Variants in KCNAB1 observed in about 807,000 individuals in gnomAD.
KCNAB1 encodes potassium voltage-gated channel subfamily A regulatory beta subunit 1, also known as voltage-gated potassium channel subunit beta-1.
A neutral mutation model predicts 64.6 loss-of-function variants in KCNAB1; 35 were observed. That is an observed-to-expected ratio of 0.54 (90% CI 0.41 to 0.72). The LOEUF (loss-of-function observed/expected upper bound fraction) is 0.72, where lower values mean the gene tolerates loss of function less well. Ranked by LOEUF, KCNAB1 falls within the 30% of genes least tolerant of loss-of-function variation. The probability of loss-of-function intolerance (pLI) is 0.00; values close to 1 mark genes in which losing one functional copy is unlikely to be tolerated. For missense variants in KCNAB1, 401 were observed against 512.9 expected (o/e 0.78, Z 2.11); for synonymous variants, 177 against 183.8 (o/e 0.96, Z 0.30).
At position 156,459,828 on chromosome 3, in the gene KCNAB1, G is replaced by T; in HGVS notation, c.439G>T (p.Ala147Ser). 1 of 1,607,706 alleles carries T rather than the reference G, an allele frequency of 6.2e-7. No individual in the cohort carries two copies. Among genetic ancestry groups the T allele is most frequent in the Non-Finnish European group, 8.5e-7 (1 of 1,174,686 alleles). The change falls in exon 5 of 14, where the codon GCT becomes TCT. Residue 147 changes from alanine (A) to serine (S), a missense_variant and splice_region_variant. By Grantham distance (99) the Ala-to-Ser change is moderately conservative (BLOSUM62 1). Transcript: ENST00000490337. ...GACATTATCTGTTTCCCCTTCCAGG[G>T]CTGAAGTGATTCTGGGGAGCATCAT... ...DTAEVYAAGK[A>S]EVILGSIIKK...
chr3:156,162,134 C>G (rs1030207867), intron 1 of KCNAB1, among the ~76,000 whole-genome samples: 1 of 152,158 alleles, frequency 6.6e-6, no homozygotes, highest in African/African-American at 2.4e-5. Flanking sequence ...GGGCACATAA[C>G]AGCCTTTGAA....
chr3:156,460,137 A>C, intron 5 of KCNAB1: 1 of 372,622 alleles, frequency 2.7e-6, no homozygotes, highest in Non-Finnish European at 4.8e-6. Context: ...TGTGCATGAA[A>C]AAGTGACAAT....
At chr3:156,362,017 G>A (rs7634841) in intron 1 of KCNAB1, among the ~76,000 whole-genome samples, 17,900 of 152,126 alleles carry the variant, frequency 0.12, 3,482 homozygotes, top group African/African-American at 0.41. Flanking sequence ...TGTGCCAAAC[G>A]TTGTTCTAGG....
intron 8 of KCNAB1, among the ~76,000 whole-genome samples, chr3:156,505,732 G>A (rs1027704063): frequency 1.3e-5 from 2 of 152,306 alleles, no homozygotes; most frequent in Non-Finnish European, 1.5e-5. Context: ...GCTGCAGGTT[G>A]TACCGAAAGC....
intron 1 of KCNAB1, among the ~76,000 whole-genome samples, chr3:156,218,697 G>C (rs187674564): frequency 6.7e-6 from 1 of 150,002 alleles, no homozygotes; most frequent in African/African-American, 2.5e-5. Flanking sequence ...AAGACCTGAA[G>C]ACAGATCACA....
chr3:156,382,075 T>C (rs530874712), intron 1 of KCNAB1: 5 of 152,312 alleles, frequency 3.3e-5, no homozygotes, highest in African/African-American at 1.2e-4. Context: ...AATTCATCTG[T>C]AAAGTTCCCC....
chr3:156,514,253 A>G (rs753011051), intron 8 of KCNAB1, 111 bp from the exon 9 acceptor site: 14 of 754,892 alleles, frequency 1.9e-5, no homozygotes, highest in Non-Finnish European at 3.0e-5. Context: ...AATTTTATTA[A>G]TCAAACAAAC....
chr3:156,198,274 G>A lies in KCNAB1; in HGVS notation c.275+77388G>A, dbSNP rs187580388. 3.9e-5 allele frequency among the ~76,000 whole-genome samples: 6 copies of A among 152,256 alleles called. No homozygotes were observed. The East Asian group carries it at 7.7e-4, about 20-fold the overall frequency. On this transcript the variant is annotated intron_variant, in intron 1 of 13. Coordinates refer to ENST00000490337, the MANE Select transcript of KCNAB1 (RefSeq NM_172160.3). Reference sequence around the variant, plus strand: ...AAGAATGTATATTCTGTTGCTTTGGGGTGGAGAGTTCTGTAGATGTCTATT... The same window carrying A: ...AAGAATGTATATTCTGTTGCTTTGGAGTGGAGAGTTCTGTAGATGTCTATT...
At chr3:156,379,038 A>G (rs2108143030) in intron 1 of KCNAB1, among the ~76,000 whole-genome samples, 1 of 152,310 alleles carries the variant, frequency 6.6e-6, no homozygotes, top group Middle Eastern at 3.4e-3. Flanking sequence ...TGTGGGACTT[A>G]CAGCCAACCA....
intron 1 of KCNAB1, among the ~76,000 whole-genome samples, chr3:156,259,262 T>C (rs1012156261): frequency 4.6e-5 from 7 of 152,206 alleles, no homozygotes; most frequent in African/African-American, 1.7e-4. Flanking sequence ...TAAGGGGTCC[T>C]GACTCTCAAG....
chr3:156,353,066 C>G (rs148036062), intron 1 of KCNAB1, among the ~76,000 whole-genome samples: 145 of 152,316 alleles, frequency 9.5e-4, no homozygotes, highest in Non-Finnish European at 1.6e-3. Context: ...GTAGCACATA[C>G]CAAAGGAGAG....
intron 7 of KCNAB1, among the ~76,000 whole-genome samples, chr3:156,466,847 T>C (rs1191144114): frequency 6.6e-6 from 1 of 152,100 alleles, no homozygotes; most frequent in African/African-American, 2.4e-5. Flanking sequence ...GTAATTTTTA[T>C]TTCTTGCTTG....
intron 1 of KCNAB1, among the ~76,000 whole-genome samples, chr3:156,130,953 G>A (rs138295921): frequency 4.7e-4 from 71 of 152,366 alleles, no homozygotes; most frequent in African/African-American, 1.6e-3. Context: ...CATCGAAAGA[G>A]CTGTGTAAGT....
Position 156,452,759 on chromosome 3 carries a change from C to T in KCNAB1, c.320-140C>T, listed in dbSNP as rs1712103231. 6.6e-6 allele frequency: 4 copies of T among 610,576 alleles called. No homozygotes were observed. The highest frequency in any genetic ancestry group is 4.4e-5 in the South Asian group (2 of 45,746). The allele number at this position is 610,576 out of a possible 1,614,324, so 37.8% of individuals were successfully genotyped here. On this transcript the variant is annotated intron_variant, in intron 2 of 13. Transcript: ENST00000490337. This position sits in a 1 kb window ranked among gnomAD's most constrained non-coding sequence, Gnocchi z 4.6. Reference sequence around the variant, plus strand: ...AGACTAGACCAACTAGACCACAGCCCACATGTGCCCCTCATCCAGGTACCT... The same window carrying T: ...AGACTAGACCAACTAGACCACAGCCTACATGTGCCCCTCATCCAGGTACCT...
chr3:156,461,354 C>T lies in KCNAB1; in HGVS notation c.482+1483C>T, dbSNP rs1438334924. Among the ~76,000 whole-genome samples the T allele has an allele frequency of 2.0e-5, 3 of 152,176 alleles. No individual in the cohort carries two copies. The South Asian group carries it at 6.2e-4, about 32-fold the overall frequency. On this transcript the variant is annotated intron_variant, in intron 5 of 13. Coordinates refer to ENST00000490337, the MANE Select transcript of KCNAB1 (RefSeq NM_172160.3). Reference sequence around the variant, plus strand: ...GCTTCCTCTTAGCTTCCAGTGGTTGCCAGCCATCCTGGGCATTCCTTGACC... The same window carrying T: ...GCTTCCTCTTAGCTTCCAGTGGTTGTCAGCCATCCTGGGCATTCCTTGACC...
intron 1 of KCNAB1, chr3:156,176,056 AG>A: frequency 3.9e-6 from 3 of 773,402 alleles, no homozygotes; most frequent in Non-Finnish European, 4.8e-6. Context: ...AGAACATCTT[AG>A]AAGGTTCTTT....
At chr3:156,325,348 T>C (rs1033539804) in intron 1 of KCNAB1, among the ~76,000 whole-genome samples, 1 of 152,164 alleles carries the variant, frequency 6.6e-6, no homozygotes, top group Non-Finnish European at 1.5e-5. Context: ...TTCTCTTTTA[T>C]AAACTGATAT....
chr3:156,309,038 C>A (rs1188006366), intron 1 of KCNAB1, among the ~76,000 whole-genome samples: 2 of 151,756 alleles, frequency 1.3e-5, no homozygotes, highest in African/African-American at 4.8e-5. Flanking sequence ...TTTTCTTCTT[C>A]TAAAAAGAAA....
At chr3:156,466,525 A>G (rs552339986) in intron 7 of KCNAB1, among the ~76,000 whole-genome samples, 3 of 151,658 alleles carry the variant, frequency 2.0e-5, no homozygotes. Context: ...TCATATATAT[A>G]TTTTATTTCA....
Sources: gnomAD v4.1 joint callset for allele counts (sites outside exome capture counted in the v4.1 genomes callset) on GRCh38, gnomAD v4.1.1 for gene constraint, Gnocchi (gnomAD v3.1) non-coding constraint, MANE v1.5 for transcripts, NCBI Gene and HGNC (gene_info 2026-07-23, HGNC 2026-07-21) for gene names.